Variants in INTS9 observed in about 807,000 individuals in gnomAD.
INTS9 encodes the protein protein related to CPSF subunits of 74 kDa.
A neutral mutation model predicts 79.7 loss-of-function variants in INTS9; 55 were observed. The observed-to-expected ratio is 0.69, with a 90% CI of 0.56 to 0.86. The LOEUF (loss-of-function observed/expected upper bound fraction) is 0.86. Among genes scored for constraint, INTS9 ranks in the 40% least tolerant of loss-of-function variants. The pLI, the probability that INTS9 is intolerant of heterozygous loss-of-function variation, is 0.00. For synonymous variants in INTS9, 319 were observed against 325.2 expected, an observed-to-expected ratio of 0.98 and a Z score of 0.20; for missense variants, 721 against 831.5, an observed-to-expected ratio of 0.87 and a Z score of 1.64.
chr8:28,787,060 C>T (rs1803644440), intron 11 of INTS9, among the ~76,000 whole-genome samples: 1 of 152,020 alleles, frequency 6.6e-6, no homozygotes, highest in South Asian at 2.1e-4. Context: ...TTTAGAGAAT[C>T]TTTGAGTGAA....
At position 28,770,046 on chromosome 8, in the gene INTS9, T is replaced by G. The variant is rs202231900; in HGVS notation, c.1663-20A>C. 3.2e-4 allele frequency: 510 copies of G among 1,611,406 alleles called. 2 individuals carry two copies. Among genetic ancestry groups the G allele is most frequent in the Non-Finnish European group, 2.1e-5 (25 of 1,179,172 alleles). ...AGGGGGCTAGAGCAGAAGGAAAGAG[T>G]GGCTTTCATGAGCTTCCTCTGAGCA... On this transcript the variant is annotated intron_variant, in intron 15 of 16. Transcript: ENST00000521022.
chr8:28,778,495 T>C (rs1803036303), intron 12 of INTS9, among the ~76,000 whole-genome samples: 1 of 152,148 alleles, frequency 6.6e-6, no homozygotes, highest in Non-Finnish European at 1.5e-5. Context: ...AGGTGTGAGA[T>C]GCACCCGGAA....
intron 6 of INTS9, among the ~76,000 whole-genome samples, chr8:28,834,693 T>C (rs1806696742): frequency 6.9e-6 from 1 of 144,316 alleles, no homozygotes; most frequent in Non-Finnish European, 1.5e-5. Context: ...TTTTTTTTTT[T>C]GAGACAGAGT....
chr8:28,867,548 AG>A (rs1808827159), intron 1 of INTS9, among the ~76,000 whole-genome samples: 1 of 140,114 alleles, frequency 7.1e-6, no homozygotes, highest in African/African-American at 2.7e-5. Context: ...AAAAAAAAAA[AG>A]GCTATACAAA....
In INTS9 at chr8:28,773,666, C is replaced by G. The variant is rs537032702; in HGVS notation, c.1563+2093G>C. Among the ~76,000 whole-genome samples, 136 of 145,746 alleles carry G rather than the reference C, an allele frequency of 9.3e-4. 1 individual carries two copies. The highest frequency in any genetic ancestry group is 1.8e-3 in the Non-Finnish European group (116 of 65,918). Reference sequence around the variant, plus strand: ...TCCCGAGTAGCTGCGATTACAGGCGCCTGCCACCACGCCTGTGGCTAATTT... The same window carrying G: ...TCCCGAGTAGCTGCGATTACAGGCGGCTGCCACCACGCCTGTGGCTAATTT... On this transcript the variant is annotated intron_variant, in intron 14 of 16. Coordinates refer to ENST00000521022, the MANE Select transcript of INTS9 (RefSeq NM_018250.4).
At chr8:28,791,067 A>G (rs1309693396) in intron 10 of INTS9, among the ~76,000 whole-genome samples, 2 of 152,122 alleles carry the variant, frequency 1.3e-5, no homozygotes, top group Non-Finnish European at 2.9e-5. Flanking sequence ...AGTAACCAGT[A>G]AGTCCTGCCC....
chr8:28,790,023 G>A (rs548487472), intron 10 of INTS9, among the ~76,000 whole-genome samples: 3 of 152,192 alleles, frequency 2.0e-5, no homozygotes, highest in Non-Finnish European at 4.4e-5. Context: ...CCCTTAGCTC[G>A]GAGCAAGGGC....
intron 1 of INTS9, among the ~76,000 whole-genome samples, chr8:28,880,989 C>T (rs1370200192): frequency 1.3e-5 from 2 of 151,158 alleles, no homozygotes; most frequent in East Asian, 2.0e-4. Flanking sequence ...CCGGCCGCTC[C>T]GTCTGAAAAG....
intron 8 of INTS9, among the ~76,000 whole-genome samples, chr8:28,811,469 T>C (rs955907639): frequency 6.7e-6 from 1 of 149,812 alleles, no homozygotes; most frequent in Non-Finnish European, 1.5e-5. Context: ...TTACCCGCAC[T>C]GGAGTACGGT....
intron 8 of INTS9, among the ~76,000 whole-genome samples, chr8:28,811,352 G>C (rs908907072): frequency 1.3e-5 from 2 of 151,736 alleles, no homozygotes; most frequent in Admixed American, 1.3e-4. Context: ...TTGAACTCCT[G>C]ACCTAAAGTG....
chr8:28,819,826 T>A (rs1451167830), intron 6 of INTS9, among the ~76,000 whole-genome samples: 1 of 152,340 alleles, frequency 6.6e-6, no homozygotes, highest in East Asian at 1.9e-4. Context: ...GCTTTATGAA[T>A]CTGGGTGCTC....
chr8:28,789,738 G>A (rs977337273), intron 10 of INTS9, among the ~76,000 whole-genome samples: 2 of 152,134 alleles, frequency 1.3e-5, no homozygotes, highest in African/African-American at 4.8e-5. Flanking sequence ...AATTAGCTGG[G>A]CATGATGGTG....
At chr8:28,844,807 C>T (rs1807408444) in intron 4 of INTS9, among the ~76,000 whole-genome samples, 4 of 152,140 alleles carry the variant, frequency 2.6e-5, no homozygotes, top group Admixed American at 2.0e-4. Context: ...CAGAGCGAGA[C>T]TCTGTCTCAA....
At chr8:28,800,725 C>T (rs1251122545) in intron 8 of INTS9, among the ~76,000 whole-genome samples, 1 of 152,230 alleles carries the variant, frequency 6.6e-6, no homozygotes, top group Non-Finnish European at 1.5e-5. Flanking sequence ...CCTATTATAA[C>T]ATCTGTAAAT....
chr8:28,877,243 A>G (rs1809443971), intron 1 of INTS9, among the ~76,000 whole-genome samples: 1 of 152,160 alleles, frequency 6.6e-6, no homozygotes, highest in Non-Finnish European at 1.5e-5. Flanking sequence ...ATAGTTTACT[A>G]CTGGAATATT....
At chr8:28,873,952 G>C (rs1455853710) in intron 1 of INTS9, among the ~76,000 whole-genome samples, 2 of 152,166 alleles carry the variant, frequency 1.3e-5, no homozygotes, top group Non-Finnish European at 2.9e-5. Context: ...TGGTCCCACT[G>C]ATTGTTGGGA....
intron 8 of INTS9, among the ~76,000 whole-genome samples, chr8:28,812,079 T>C (rs1214374083): frequency 1.3e-5 from 2 of 152,208 alleles, no homozygotes; most frequent in African/African-American, 4.8e-5. Flanking sequence ...GTGTCCCACA[T>C]CAGGCTATGG....
chr8:28,826,455 A>T (rs952544530), intron 6 of INTS9, among the ~76,000 whole-genome samples: 3 of 152,188 alleles, frequency 2.0e-5, no homozygotes, highest in Admixed American at 6.5e-5. Flanking sequence ...GGAGGAGGAA[A>T]GCCAAGCCGT....
intron 1 of INTS9, among the ~76,000 whole-genome samples, chr8:28,867,803 C>T (rs1406813458): frequency 6.0e-5 from 9 of 150,200 alleles, no homozygotes; most frequent in East Asian, 2.0e-4. Context: ...AATTAAAATA[C>T]GCATAGTTAT....
Sources: allele counts gnomAD v4.1 joint callset (sites outside exome capture counted in the v4.1 genomes callset), GRCh38; gene constraint gnomAD v4.1.1; transcripts MANE v1.5; gene names NCBI Gene and HGNC (gene_info 2026-07-23, HGNC 2026-07-21).